SUPT5H: variants seen among roughly 807,000 people sequenced by gnomAD.
SUPT5H encodes the protein transcription elongation factor SPT5.
SUPT5H carries 24 observed loss-of-function variants against 142.5 expected under a neutral mutation model. The ratio of observed to expected loss-of-function variants is 0.17; its 90% CI spans 0.12 to 0.24. The LOEUF is 0.24. Ranked by LOEUF, SUPT5H falls within the 10% of genes least tolerant of loss-of-function variation. The probability of loss-of-function intolerance (pLI) is 1.00; values close to 1 mark genes in which losing one functional copy is unlikely to be tolerated. For synonymous variants in SUPT5H, 546 were observed against 553.0 expected (o/e 0.99, Z 0.18); for missense variants, 893 against 1,471.8 (o/e 0.61, Z 6.43).
At chr19:39,446,141 G>GA (rs1444790607) in intron 2 of SUPT5H, among the ~76,000 whole-genome samples, 176 bp downstream of exon 2, 1 of 152,182 alleles carries the variant, frequency 6.6e-6, no homozygotes, top group Non-Finnish European at 1.5e-5. Flanking sequence ...ACAGGTTCTG[G>GA]AGGCCAGAAA....
At chr19:39,452,632 C>T (rs1340776318) in intron 2 of SUPT5H, among the ~76,000 whole-genome samples, 1 of 152,100 alleles carries the variant, frequency 6.6e-6, no homozygotes, top group Non-Finnish European at 1.5e-5. Context: ...GCAGTGTGGA[C>T]TAGAAACAGA....
Position 39,458,432 on chromosome 19 carries a change from C to T in SUPT5H, c.319+127C>T. ...CGGTCTGGCCCTGAGGGCTCTGACCCATGTAGGATCCAGAGTCAGGGAGTT... is the reference window on the plus strand; with the variant it reads ...CGGTCTGGCCCTGAGGGCTCTGACCTATGTAGGATCCAGAGTCAGGGAGTT... On this transcript the variant is annotated intron_variant, in intron 5 of 29. Transcript: ENST00000432763. This position sits in a 1 kb window ranked among gnomAD's most constrained non-coding sequence, Gnocchi z 4.2. 1 of 1,503,920 alleles carries T rather than the reference C, an allele frequency of 6.6e-7. No individual in the cohort carries two copies. The highest frequency in any genetic ancestry group is 1.3e-5 in the South Asian group (1 of 79,246). The allele number at this position is 1,503,920 out of a possible 1,614,324, so 93.2% of individuals were successfully genotyped here. A position where few individuals can be genotyped will look rare whatever the true frequency, so the allele number is the denominator to read the frequency against.
chr19:39,459,679 C>T (rs904756951), intron 9 of SUPT5H, 90 bp downstream of exon 9: 92 of 1,537,978 alleles, frequency 6.0e-5, no homozygotes, highest in Non-Finnish European at 7.7e-5. Flanking sequence ...CCCGGGTCTC[C>T]GTGGCCTGCC....
Position 39,473,201 on chromosome 19 carries a change from A to AG in SUPT5H, c.2261dup. ...CACCCCATTTGTTCTCTGCGTCCCC[A>AG]GGGGCTCACGGCGCCCGGGCGGCAT... On this transcript the variant is annotated splice_acceptor_variant, in intron 23 of 29. Transcript: ENST00000432763. LOFTEE classifies it high-confidence loss of function. This position sits in a 1 kb window ranked among gnomAD's most constrained non-coding sequence, Gnocchi z 5.8. The AG allele has an allele frequency of 6.2e-7, 1 of 1,612,114 alleles. No homozygotes were observed. Among genetic ancestry groups the AG allele is most frequent in the Non-Finnish European group, 8.5e-7 (1 of 1,179,880 alleles).
In SUPT5H at chr19:39,473,325, A is replaced by C; in HGVS notation, c.2381A>C (p.Gln794Pro). 6.2e-7 allele frequency: 1 copy of C among 1,613,834 alleles called. No homozygotes were observed. Among genetic ancestry groups the C allele is most frequent in the Non-Finnish European group, 8.5e-7 (1 of 1,179,960 alleles). ...ATGTACGGCTCACAGACACCCCTCC[A>C]GGATGGTGAGTGCCCGCAGGGGACA... is the stretch of plus-strand genomic sequence containing the variant. The part of the protein sequence containing the change: ...TPMYGSQTPL[Q>P]DGSRTPHYGS... The change falls in exon 24 of 30, where the codon CAG becomes CCG. Residue 794 changes from glutamine to proline, a missense_variant. This residue lies in a region of SUPT5H where 336 missense variants were observed against 546.5 expected (regional missense o/e 0.61). Transcript: ENST00000432763. The surrounding 1 kb of genome is among the most constrained non-coding windows in gnomAD (Gnocchi z 5.8).
In SUPT5H at chr19:39,445,599, A is replaced by C; in HGVS notation, c.-126A>C. 6 of 409,530 alleles carry C rather than the reference A, an allele frequency of 1.5e-5. No homozygotes were observed. The highest frequency in any genetic ancestry group is 4.1e-5 in the East Asian group (1 of 24,450). 25.4% of individuals were successfully genotyped at this position (409,530 alleles called of 1,614,324 possible). A position where few individuals can be genotyped will look rare whatever the true frequency, so the allele number is the denominator to read the frequency against. ...TCAGCCCCAGTCAGGCGTCGTGCGA[A>C]CAGCAGCTGGTACCGAAGGCGGAGG... On this transcript the variant is annotated 5_prime_UTR_variant, in exon 1 of 30. Transcript: ENST00000432763.
intron 9 of SUPT5H, 50 bp downstream of exon 9, chr19:39,459,639 C>T: frequency 6.2e-7 from 1 of 1,609,986 alleles, no homozygotes; most frequent in Non-Finnish European, 8.5e-7. Flanking sequence ...ATGAGGGAGG[C>T]TGCTTTGTGG....
chr19:39,464,755 G>T (rs751590657), intron 10 of SUPT5H, 43 bp from the exon 11 acceptor site: 1 of 1,552,996 alleles, frequency 6.4e-7, no homozygotes, highest in Non-Finnish European at 8.7e-7. Context: ...GTTATTAGCC[G>T]TTGTGTCTCA....
chr19:39,461,821 C>CAAAAAAAAAAAAA (rs747295729), intron 10 of SUPT5H, among the ~76,000 whole-genome samples: 2 of 128,416 alleles, frequency 1.6e-5, no homozygotes, highest in African/African-American at 5.5e-5. Flanking sequence ...GAGACTGTCT[C>CAAAAAAAAAAAAA]AAAAAAAAAA....
chr19:39,456,545 G>A (rs1047313611), intron 3 of SUPT5H, among the ~76,000 whole-genome samples: 11 of 151,834 alleles, frequency 7.2e-5, no homozygotes, highest in African/African-American at 2.7e-4. Context: ...AGCCTCCCGA[G>A]TAGCTGGGAT....
At chr19:39,461,826 A>C in intron 10 of SUPT5H, among the ~76,000 whole-genome samples, 1 of 94,554 alleles carries the variant, frequency 1.1e-5, no homozygotes, top group South Asian at 3.0e-4. Flanking sequence ...TGTCTCAAAA[A>C]AAAAAAAAAA....
At position 39,472,611 on chromosome 19, in the gene SUPT5H, A is replaced by G; in HGVS notation, c.2035+118A>G. ...GGCTGGGCACTGCTATTAGGGGTTC[A>G]CCACCCACAGGAGGGTAGACGCCAC... On this transcript the variant is annotated intron_variant, in intron 21 of 29. Transcript: ENST00000432763. This position sits in a 1 kb window ranked among gnomAD's most constrained non-coding sequence, Gnocchi z 4.2. 1 of 1,386,778 alleles carries G rather than the reference A, an allele frequency of 7.2e-7. No individual in the cohort carries two copies. 85.9% of individuals were successfully genotyped at this position (1,386,778 alleles called of 1,614,324 possible).
intron 3 of SUPT5H, among the ~76,000 whole-genome samples, chr19:39,454,244 G>A (rs1445215397): frequency 1.3e-5 from 2 of 152,058 alleles, no homozygotes; most frequent in Non-Finnish European, 2.9e-5. Flanking sequence ...AATAGGAGCT[G>A]TAGTTTTTTC....
At position 39,448,226 on chromosome 19, in the gene SUPT5H, C is replaced by T. The variant is rs557456669; in HGVS notation, c.75+2261C>T. On this transcript the variant is annotated intron_variant, in intron 2 of 29. Coordinates refer to ENST00000432763, the MANE Select transcript of SUPT5H (RefSeq NM_001111020.3). ...GGTAGATGGAGAGTGCTGTGTGTTT[C>T]GGGTGACTTGTCCCAGTCACTTATG... Among the ~76,000 whole-genome samples, 4 of 152,292 alleles carry T rather than the reference C, an allele frequency of 2.6e-5. No individual in the cohort carries two copies. In the East Asian group the frequency reaches 5.8e-4, roughly 22 times the overall value.
chr19:39,462,111 T>C (rs1020373483), intron 10 of SUPT5H, among the ~76,000 whole-genome samples: 2 of 152,124 alleles, frequency 1.3e-5, no homozygotes, highest in East Asian at 3.9e-4. Context: ...GGTTTCACCA[T>C]GTTGGCCAGC....
chr19:39,461,944 T>A (rs927525787), intron 10 of SUPT5H, among the ~76,000 whole-genome samples: 1 of 152,168 alleles, frequency 6.6e-6, no homozygotes, highest in African/African-American at 2.4e-5. Flanking sequence ...GATTATTATT[T>A]TTTTTTGAGA....
chr19:39,458,729 C>G lies in SUPT5H; in HGVS notation c.320-89C>G. On this transcript the variant is annotated intron_variant, in intron 5 of 29. Coordinates refer to ENST00000432763, the MANE Select transcript of SUPT5H (RefSeq NM_001111020.3). The surrounding 1 kb of genome is among the most constrained non-coding windows in gnomAD (Gnocchi z 4.2). ...TCATCTTCCTGCCCCAGGGCCAAAC[C>G]CTGGCCCTCTTAGCTGCACGCTCCT... The G allele has an allele frequency of 7.9e-7, 1 of 1,270,118 alleles. No homozygotes were observed. Among genetic ancestry groups the G allele is most frequent in the East Asian group, 2.4e-5 (1 of 41,710 alleles). 78.7% of individuals were successfully genotyped at this position (1,270,118 alleles called of 1,614,324 possible). A position where few individuals can be genotyped will look rare whatever the true frequency, so the allele number is the denominator to read the frequency against.
rs376076668 is a variant in SUPT5H at position 39,474,668 on chromosome 19, T to C, written c.2974T>C (p.Tyr992His). Residue 992 changes from tyrosine to histidine, a missense_variant, in exon 28 of 30, where the codon TAC (tyrosine) becomes CAC (histidine). By Grantham distance (83) the Tyr-to-His change is moderately conservative (BLOSUM62 2). Around this residue, in one of 6 missense-constraint regions of SUPT5H, gnomAD observed 336 missense variants for 546.5 expected, o/e 0.61. Transcript: ENST00000432763. This position sits in a 1 kb window ranked among gnomAD's most constrained non-coding sequence, Gnocchi z 6.5. ...TDIQVKVRDT[Y>H]LDTQVVGQTG... Reference sequence around the variant, plus strand: ...CATTCAGGTGAAGGTGCGGGACACCTACCTGGATACACAGGTGGTGGGACA... The same window carrying C: ...CATTCAGGTGAAGGTGCGGGACACCCACCTGGATACACAGGTGGTGGGACA... The C allele has an allele frequency of 6.2e-7, 1 of 1,614,068 alleles. No individual in the cohort carries two copies. The highest frequency in any genetic ancestry group is 8.5e-7 in the Non-Finnish European group (1 of 1,179,986).
chr19:39,466,358 C>G lies in SUPT5H; in HGVS notation c.877-122C>G, dbSNP rs1246971084. 1 of 895,956 alleles carries G rather than the reference C, an allele frequency of 1.1e-6. No individual in the cohort carries two copies. Among genetic ancestry groups the G allele is most frequent in the East Asian group, 2.6e-5 (1 of 38,328 alleles). The allele number at this position is 895,956 out of a possible 1,614,324, so 55.5% of individuals were successfully genotyped here. On this transcript the variant is annotated intron_variant, in intron 11 of 29. Transcript: ENST00000432763. The surrounding 1 kb of genome is among the most constrained non-coding windows in gnomAD (Gnocchi z 4.3). ...GCGTGGGACTTTTGGGAGTGGTCAGCAGCCTGGTTTCTTCCCCACCATCCT... is the reference window on the plus strand; with the variant it reads ...GCGTGGGACTTTTGGGAGTGGTCAGGAGCCTGGTTTCTTCCCCACCATCCT...
Sources: allele counts gnomAD v4.1 joint callset (sites outside exome capture counted in the v4.1 genomes callset), GRCh38; gene constraint gnomAD v4.1.1; regional missense constraint gnomAD v4.1.1; non-coding constraint Gnocchi (gnomAD v3.1); transcripts MANE v1.5; gene names NCBI Gene and HGNC (gene_info 2026-07-23, HGNC 2026-07-21).